The following USH2A variants were observed in gnomAD, a reference collection of about 807,000 sequenced individuals.
USH2A encodes usherin.
A neutral mutation model predicts 538.9 loss-of-function variants in USH2A; 443 were observed. The observed-to-expected ratio is 0.82, with a 90% CI of 0.76 to 0.89. USH2A has a LOEUF of 0.89. Ranked by LOEUF, USH2A falls within the 40% of genes least tolerant of loss-of-function variation. The pLI is 0.00. For synonymous variants in USH2A, 2,413 were observed against 2,273.5 expected, an observed-to-expected ratio of 1.06 and a Z score of -1.75; for missense variants, 6,633 against 6,324.8, an observed-to-expected ratio of 1.05 and a Z score of -1.65.
intron 9 of USH2A, among the ~76,000 whole-genome samples, chr1:216,293,866 T>C (rs906984936): frequency 2.0e-5 from 3 of 152,176 alleles, no homozygotes; most frequent in Non-Finnish European, 2.9e-5. Flanking sequence ...ATGTGGTAAT[T>C]TGTGGACTGC....
At chr1:216,292,400 AAAAT>A (rs1441218088) in intron 9 of USH2A, 30 bp from the exon 10 acceptor site, 1 of 1,606,644 alleles carries the variant, frequency 6.2e-7, no homozygotes. Context: ...AACAGTAAAG[AAAAT>A]AAAGCTGTGA....
At chr1:215,632,029 C>G (rs191932955) in intron 70 of USH2A, among the ~76,000 whole-genome samples, 123 of 152,248 alleles carry the variant, frequency 8.1e-4, no homozygotes, top group African/African-American at 2.6e-3. Context: ...GTTCTCAAAT[C>G]TTGCTGTGCA....
chr1:216,388,305 A>G (rs1197640407), intron 3 of USH2A, among the ~76,000 whole-genome samples: 1 of 152,220 alleles, frequency 6.6e-6, no homozygotes, highest in Non-Finnish European at 1.5e-5. Context: ...GCTGTCCTTC[A>G]GTGCTCACTT....
chr1:215,704,530 C>T (rs991315588), intron 61 of USH2A, among the ~76,000 whole-genome samples: 1 of 152,174 alleles, frequency 6.6e-6, no homozygotes, highest in South Asian at 2.1e-4. Context: ...AGAGCCTAGA[C>T]CTGGTTAGGA....
rs143616913 is a variant in USH2A, at chr1:216,378,620, T to G, written c.652-13535A>C. Among the ~76,000 whole-genome samples, 170 of 152,336 alleles carry G rather than the reference T, an allele frequency of 1.1e-3. 5 individuals are homozygous for G. In the East Asian group the frequency reaches 0.026, roughly 23 times the overall value. ...TAATAATCACTCACAAACTTTGTTATAGTGTACTATTTTAATTCTCTAGGT... is the reference window on the plus strand; with the variant it reads ...TAATAATCACTCACAAACTTTGTTAGAGTGTACTATTTTAATTCTCTAGGT... On this transcript the variant is annotated intron_variant, in intron 3 of 71. Coordinates refer to ENST00000307340, the MANE Select transcript of USH2A (RefSeq NM_206933.4).
At chr1:216,210,548 C>T (rs1366406997) in intron 15 of USH2A, among the ~76,000 whole-genome samples, 1 of 152,146 alleles carries the variant, frequency 6.6e-6, no homozygotes, top group Non-Finnish European at 1.5e-5. Context: ...TCTTCTTCCC[C>T]ATGTTACCCT....
chr1:216,134,652 T>G (rs995150176), intron 21 of USH2A, among the ~76,000 whole-genome samples: 1 of 152,138 alleles, frequency 6.6e-6, no homozygotes, highest in African/African-American at 2.4e-5. Flanking sequence ...GACAAACTTT[T>G]CATATTGCAC....
chr1:215,965,800 T>C (rs991853444), intron 36 of USH2A, among the ~76,000 whole-genome samples: 2 of 152,122 alleles, frequency 1.3e-5, no homozygotes, highest in Non-Finnish European at 2.9e-5. Flanking sequence ...AAAATAATTT[T>C]TATGTGATTG....
intron 47 of USH2A, among the ~76,000 whole-genome samples, chr1:215,829,340 C>G (rs912928948): frequency 3.0e-4 from 45 of 152,196 alleles, no homozygotes; most frequent in African/African-American, 1.1e-3. Flanking sequence ...TAAGTTAAGG[C>G]CAAAGACAAA....
intron 4 of USH2A, among the ~76,000 whole-genome samples, chr1:216,329,839 G>A (rs116239807): frequency 0.015 from 2,221 of 152,060 alleles, 50 homozygotes; most frequent in African/African-American, 0.051. Context: ...CATGGCAGCC[G>A]TGGAAAACTG....
At chr1:216,331,470 T>C (rs923321329) in intron 4 of USH2A, among the ~76,000 whole-genome samples, 5 of 151,988 alleles carry the variant, frequency 3.3e-5, no homozygotes, top group African/African-American at 1.2e-4. Context: ...ATTAGTCAAA[T>C]GGGAAAACTA....
At chr1:215,884,151 G>A (rs1440172332) in intron 41 of USH2A, among the ~76,000 whole-genome samples, 9 of 152,074 alleles carry the variant, frequency 5.9e-5, no homozygotes, top group African/African-American at 2.2e-4. Context: ...GGGTTTGATA[G>A]GTGCAACAAA....
At position 216,078,215 on chromosome 1, in the gene USH2A, C is replaced by T; in HGVS notation, c.5446G>A (p.Val1816Met). 1.9e-6 allele frequency: 3 copies of T among 1,613,872 alleles called. No homozygotes were observed. Among genetic ancestry groups the T allele is most frequent in the Non-Finnish European group, 2.5e-6 (3 of 1,179,820 alleles). The change falls in exon 27 of 72, where the codon GTG becomes ATG. Residue 1816 changes from valine (V) to methionine (M), a missense_variant. By Grantham distance (21) the Val-to-Met change is conservative. Transcript: ENST00000307340. ...GATGCATGCTTCATCAGTCCATTCA[C>T]ACTTGCTGATATGAAAGAGCCTTCC... ...KKEGSFISAS[V>M]NGLMKHASES... is the part of the protein sequence containing the mutation.
chr1:215,657,503 A>G (rs1337937607), intron 64 of USH2A, among the ~76,000 whole-genome samples: 1 of 152,186 alleles, frequency 6.6e-6, no homozygotes, highest in East Asian at 1.9e-4. Context: ...TTAACTGTCT[A>G]TCTATCTGAT....
intron 15 of USH2A, among the ~76,000 whole-genome samples, chr1:216,210,405 A>C (rs2035213478): frequency 6.6e-6 from 1 of 151,974 alleles, no homozygotes; most frequent in Non-Finnish European, 1.5e-5. Context: ...TGTTAGTAAT[A>C]ATATGACCCT....
chr1:215,779,299 C>T (rs1043508285), intron 55 of USH2A, among the ~76,000 whole-genome samples: 2 of 152,030 alleles, frequency 1.3e-5, no homozygotes, highest in African/African-American at 2.4e-5. Flanking sequence ...TATCATTGTA[C>T]TGTACTAATA....
At chr1:215,911,845 T>C (rs1430378693) in intron 38 of USH2A, among the ~76,000 whole-genome samples, 1 of 152,084 alleles carries the variant, frequency 6.6e-6, no homozygotes, top group Non-Finnish European at 1.5e-5. Flanking sequence ...AAGGGTTCCC[T>C]TTCTCCACAT....
At position 215,910,538 on chromosome 1, in the gene USH2A, T is replaced by C. The variant is rs551299156; in HGVS notation, c.7301-9633A>G. 2.2e-3 allele frequency among the ~76,000 whole-genome samples: 272 copies of C among 124,458 alleles called. 5 individuals are homozygous for C. Among genetic ancestry groups the C allele is most frequent in the Admixed American group, 0.015 (186 of 12,326 alleles). 81.6% of individuals were successfully genotyped at this position (124,458 alleles called of 152,430 possible). On this transcript the variant is annotated intron_variant, in intron 38 of 71. Transcript: ENST00000307340. ...TATCAAGTGGTTACACAATATAATA[T>C]ATACATAATATAATAAAGTACACAT...
chr1:216,155,389 T>G (rs1470508774), intron 21 of USH2A, among the ~76,000 whole-genome samples: 1 of 152,156 alleles, frequency 6.6e-6, no homozygotes, highest in Admixed American at 6.5e-5. Context: ...CCCCAATTGC[T>G]CCTATAGATA....
Sources: allele counts gnomAD v4.1 joint callset (sites outside exome capture counted in the v4.1 genomes callset), GRCh38; gene constraint gnomAD v4.1.1; transcripts MANE v1.5; gene names NCBI Gene and HGNC (gene_info 2026-07-23, HGNC 2026-07-21).